BTNL9: variants seen among roughly 807,000 people sequenced by gnomAD.
BTNL9 encodes the protein butyrophilin like 9.
A neutral mutation model predicts 45.8 loss-of-function variants in BTNL9; 45 were observed. That is an observed-to-expected ratio of 0.98 (90% CI 0.77 to 1.26). BTNL9 has a LOEUF of 1.26. Among genes scored for constraint, BTNL9 ranks in the 50% most tolerant of loss-of-function variants. The probability of loss-of-function intolerance (pLI) is 0.00; values close to 1 mark genes in which losing one functional copy is unlikely to be tolerated. For synonymous variants in BTNL9, 346 were observed against 330.8 expected, an observed-to-expected ratio of 1.05 and a Z score of -0.50; for missense variants, 784 against 729.7, an observed-to-expected ratio of 1.07 and a Z score of -0.86.
chr5:181,056,764 G>A, intron 9 of BTNL9: 1 of 604,578 alleles, frequency 1.7e-6, no homozygotes, highest in Non-Finnish European at 3.0e-6. Context: ...CACCAGCCAT[G>A]CAGTGAGATT....
chr5:181,049,084 G>A (rs1001562520), intron 3 of BTNL9, among the ~76,000 whole-genome samples: 1 of 151,392 alleles, frequency 6.6e-6, no homozygotes, highest in South Asian at 2.1e-4. Context: ...TGGAGCTATG[G>A]AGAAGAAAGC....
intron 2 of BTNL9, 89 bp downstream of exon 2, chr5:181,045,687 A>C: frequency 9.7e-7 from 1 of 1,030,912 alleles, no homozygotes; most frequent in Non-Finnish European, 1.5e-6. Context: ...GCACAGTACC[A>C]GGGCGTGCCA....
chr5:181,056,585 G>A, intron 9 of BTNL9: 1 of 717,500 alleles, frequency 1.4e-6, no homozygotes, highest in Admixed American at 2.0e-5. Flanking sequence ...TATCCAGGCT[G>A]CCTCTAACTC....
rs557438953 is a variant in BTNL9 at position 181,059,897 on chromosome 5, G to T, written c.*35G>T. 14 of 1,489,922 alleles carry T rather than the reference G, an allele frequency of 9.4e-6. No homozygotes were observed. In the South Asian group the frequency reaches 1.4e-4, roughly 15 times the overall value. The allele number at this position is 1,489,922 out of a possible 1,614,324, so 92.3% of individuals were successfully genotyped here. On this transcript the variant is annotated 3_prime_UTR_variant, in exon 11 of 11. Transcript: ENST00000327705. ...GTGGCCGCGGGACTGGCCCCGGGGG[G>T]CCCCCTGGATCCCAGGCCAGCGCTT...
chr5:181,049,877 C>T (rs762958705), intron 3 of BTNL9, among the ~76,000 whole-genome samples: 21 of 152,212 alleles, frequency 1.4e-4, no homozygotes, highest in Non-Finnish European at 2.4e-4. Context: ...TCCAAATGTC[C>T]CTCAGGGGCA....
intron 9 of BTNL9, among the ~76,000 whole-genome samples, chr5:181,057,671 A>T (rs920435156): frequency 1.3e-5 from 2 of 152,220 alleles, no homozygotes; most frequent in Non-Finnish European, 2.9e-5. Context: ...TTTACATAGG[A>T]TTACTTTGAA....
chr5:181,046,682 C>CGA (rs140315475), intron 2 of BTNL9, among the ~76,000 whole-genome samples: 19 of 140,496 alleles, frequency 1.4e-4, no homozygotes, highest in South Asian at 9.5e-4. Flanking sequence ...AGAGAGAGAG[C>CGA]GAGAGAGAGA....
At chr5:181,058,430 C>T (rs372434075) in intron 10 of BTNL9, 52 bp downstream of exon 10, 1 of 1,612,920 alleles carries the variant, frequency 6.2e-7, no homozygotes, top group African/African-American at 1.3e-5. Flanking sequence ...GGATCTTAAA[C>T]AGAAGGGAGG....
chr5:181,050,509 G>A lies in BTNL9; in HGVS notation c.736+140G>A, dbSNP rs921838144. Reference sequence around the variant, plus strand: ...GTTGGCCTTGACACCTGAAAAGTCAGCACCTTGGATATTAGGAACACACTA... The same window carrying A: ...GTTGGCCTTGACACCTGAAAAGTCAACACCTTGGATATTAGGAACACACTA... On this transcript the variant is annotated intron_variant, in intron 4 of 10. Coordinates refer to ENST00000327705, the MANE Select transcript of BTNL9 (RefSeq NM_152547.5). The surrounding 1 kb of genome is among the most constrained non-coding windows in gnomAD (Gnocchi z 4.9). 5.8e-6 allele frequency: 6 copies of A among 1,038,726 alleles called. No individual in the cohort carries two copies. The South Asian group carries it at 6.4e-5, about 11-fold the overall frequency. The allele number at this position is 1,038,726 out of a possible 1,614,324, so 64.3% of individuals were successfully genotyped here. A position where few individuals can be genotyped will look rare whatever the true frequency, so the allele number is the denominator to read the frequency against.
In BTNL9 at chr5:181,045,640, C is replaced by G. The variant is rs1052491012; in HGVS notation, c.109+42C>G. On this transcript the variant is annotated intron_variant, in intron 2 of 10. Transcript: ENST00000327705. ...CTAGCTGGCCAGGATGTGAACGCCACCCCTCCTGCCAGGTGCTCCCCAGGG... is the reference window on the plus strand; with the variant it reads ...CTAGCTGGCCAGGATGTGAACGCCAGCCCTCCTGCCAGGTGCTCCCCAGGG... 8 of 1,485,608 alleles carry G rather than the reference C, an allele frequency of 5.4e-6. No homozygotes were observed. The African/African-American group carries it at 7.0e-5, about 13-fold the overall frequency. The allele number at this position is 1,485,608 out of a possible 1,614,324, so 92.0% of individuals were successfully genotyped here. A position where few individuals can be genotyped will look rare whatever the true frequency, so the allele number is the denominator to read the frequency against.
At position 181,059,380 on chromosome 5, in the gene BTNL9, C is replaced by G. The variant is rs981683323; in HGVS notation, c.1126C>G (p.Leu376Val). ...RFSEQTCALS[L>V]ERFSAGRHYW... is the part of the protein sequence containing the mutation. The stretch of plus-strand genomic sequence containing the variant: ...CTCGGAGCAGACGTGCGCGCTGAGC[C>G]TGGAGCGGTTCTCCGCCGGCCGCCA... Residue 376 changes from leucine (L) to valine (V), a missense_variant, in exon 11 of 11, where the codon CTG becomes GTG. Coordinates refer to ENST00000327705, the MANE Select transcript of BTNL9 (RefSeq NM_152547.5). The G allele has an allele frequency of 3.1e-5, 47 of 1,531,434 alleles. No homozygotes were observed. Among genetic ancestry groups the G allele is most frequent in the Non-Finnish European group, 4.1e-5 (47 of 1,141,920 alleles). 94.9% of individuals were successfully genotyped at this position (1,531,434 alleles called of 1,614,324 possible).
chr5:181,051,078 C>CAAAAAA (rs1399289272), intron 4 of BTNL9, among the ~76,000 whole-genome samples: 564 of 44,594 alleles, frequency 0.013, 8 homozygotes, highest in African/African-American at 0.046. Context: ...GAATCCGTCT[C>CAAAAAA]AAAAAAAAAA....
chr5:181,045,593 G>A lies in BTNL9; in HGVS notation c.104G>A (p.Ser35Asn), dbSNP rs1341106567. Residue 35 changes from serine to asparagine, a missense_variant, in exon 2 of 11, where the codon AGC becomes AAC. Physicochemically the swap from Ser to Asn is conservative, Grantham distance 46. Coordinates refer to ENST00000327705, the MANE Select transcript of BTNL9 (RefSeq NM_152547.5). ...CTCCTCCTTCAGCCTGGGGAGCCGA[G>A]CTCAGGTATTGTGTCTGCAGCCTAG... ...HLLLLQPGEP[S>N]SEVKVLGPEY... The A allele has an allele frequency of 6.2e-7, 1 of 1,610,338 alleles. No individual in the cohort carries two copies. Among genetic ancestry groups the A allele is most frequent in the East Asian group, 2.2e-5 (1 of 44,852 alleles).
chr5:181,054,689 G>A (rs556783807), intron 7 of BTNL9: 1 of 985,378 alleles, frequency 1.0e-6, no homozygotes, highest in Admixed American at 6.1e-5. Flanking sequence ...TCTGTAGAGA[G>A]GAAGAGAGAG....
At position 181,054,231 on chromosome 5, in the gene BTNL9, T is replaced by C. The variant is rs543147739; in HGVS notation, c.887-8T>C. On this transcript the variant is annotated splice_polypyrimidine_tract_variant and splice_region_variant and intron_variant, in intron 6 of 10. Transcript: ENST00000327705. ...TTTTCTTCATCTTTTTTTTTTTTTT[T>C]TCTCTAGAGAAACTCACTGCAGAGC... 33 of 1,612,488 alleles carry C rather than the reference T, an allele frequency of 2.0e-5. 1 individual carries two copies. In the South Asian group the frequency reaches 2.3e-4, roughly 11 times the overall value.
intron 1 of BTNL9, among the ~76,000 whole-genome samples, chr5:181,041,839 T>C (rs894237695): frequency 8.5e-5 from 13 of 152,248 alleles, no homozygotes; most frequent in Non-Finnish European, 1.6e-4. Context: ...TTCTTGTGCC[T>C]AACCTTAGGA....
At chr5:181,048,861 AATT>A (rs1283300223) in intron 3 of BTNL9, among the ~76,000 whole-genome samples, 4 of 130,828 alleles carry the variant, frequency 3.1e-5, no homozygotes, top group Non-Finnish European at 6.4e-5. Flanking sequence ...AATATTATAT[AATT>A]ATATTAGTTA....
chr5:181,047,988 C>T lies in BTNL9; in HGVS notation c.171C>T (p.Phe57=). ...CCCTCGTCGGGGAGGAGGTGGAGTT[C>T]CCGTGCCACCTATGGCCACAGCTGG... is the stretch of plus-strand genomic sequence containing the variant. ...ILALVGEEVE[F]PCHLWPQLDA... Residue 57 remains phenylalanine (F), a synonymous_variant, in exon 3 of 11, where the codon TTC becomes TTT. Transcript: ENST00000327705. 2 of 1,613,820 alleles carry T rather than the reference C, an allele frequency of 1.2e-6. No homozygotes were observed. The highest frequency in any genetic ancestry group is 2.2e-5 in the East Asian group (1 of 44,884).
chr5:181,053,199 G>A lies in BTNL9; in HGVS notation c.737-1G>A, dbSNP rs767188085. On this transcript the variant is annotated splice_acceptor_variant, in intron 4 of 10. Transcript: ENST00000327705. LOFTEE classifies it high-confidence loss of function. This position sits in a 1 kb window ranked among gnomAD's most constrained non-coding sequence, Gnocchi z 6.5. ...ACACGGCCCCCGCGGGTGTTTTCCA[G>A]ACGTGTTCGTACCCGGAGCCTCTGC... is the stretch of plus-strand genomic sequence containing the variant. 2.5e-6 allele frequency: 4 copies of A among 1,578,274 alleles called. No individual in the cohort carries two copies. Among genetic ancestry groups the A allele is most frequent in the Non-Finnish European group, 2.6e-6 (3 of 1,163,544 alleles).
Sources: gnomAD v4.1 joint callset for allele counts (sites outside exome capture counted in the v4.1 genomes callset) on GRCh38, gnomAD v4.1.1 for gene constraint, Gnocchi (gnomAD v3.1) non-coding constraint, MANE v1.5 for transcripts, NCBI Gene and HGNC (gene_info 2026-07-23, HGNC 2026-07-21) for gene names.